ATP2C2: variants seen among roughly 807,000 people sequenced by gnomAD.
ATP2C2 encodes ATPase secretory pathway Ca2+ transporting 2.
A neutral mutation model predicts 110.8 loss-of-function variants in ATP2C2; 171 were observed. The observed-to-expected ratio is 1.54, with a 90% CI of 1.36 to 1.75. ATP2C2 has a LOEUF of 1.75. Ranked by LOEUF, ATP2C2 falls within the 40% of genes most tolerant of loss-of-function variation. The pLI is 0.00. For missense variants in ATP2C2, 1,963 were observed against 1,235.0 expected, an observed-to-expected ratio of 1.59 and a Z score of -8.84; for synonymous variants, 804 against 508.4, an observed-to-expected ratio of 1.58 and a Z score of -7.82.
chr16:84,462,432 G>A (rs555216810), intron 26 of ATP2C2: 15 of 310,394 alleles, frequency 4.8e-5, no homozygotes, highest in Admixed American at 8.4e-5. Context: ...AGGGAGGAAG[G>A]AGGGAGCAAG....
chr16:84,430,497 T>C (rs247840), intron 11 of ATP2C2, among the ~76,000 whole-genome samples: 135,271 of 151,916 alleles, frequency 0.89, 60,266 homozygotes, highest in East Asian at 0.94. Flanking sequence ...AAAAATCAGC[T>C]AGGCGTGGTG....
At chr16:84,448,922 C>A (rs1417401469) in intron 17 of ATP2C2, among the ~76,000 whole-genome samples, 2 of 152,174 alleles carry the variant, frequency 1.3e-5, no homozygotes, top group African/African-American at 2.4e-5. Flanking sequence ...GGGTACCCTC[C>A]CTTGCTGAGT....
intron 1 of ATP2C2, among the ~76,000 whole-genome samples, chr16:84,388,697 A>G (rs1409935746): frequency 6.6e-6 from 1 of 152,218 alleles, no homozygotes; most frequent in Non-Finnish European, 1.5e-5. Context: ...TGACTCTTGC[A>G]TTGATTCTCT....
intron 1 of ATP2C2, among the ~76,000 whole-genome samples, chr16:84,373,067 C>G (rs1022785792): frequency 6.7e-6 from 1 of 148,800 alleles, no homozygotes; most frequent in Non-Finnish European, 1.5e-5. Flanking sequence ...TTGCAGAGAG[C>G]TGAGATCACG....
At position 84,462,037 on chromosome 16, in the gene ATP2C2, A is replaced by G. The variant is rs1380690096; in HGVS notation, c.2630A>G (p.Tyr877Cys). The part of the protein sequence containing the change: ...IGFLRNHMFL[Y>C]SVLGSILGQL... ...TTTCTCAGGAACCACATGTTCCTCT[A>G]CTCCGTCCTGGGGTCCATCCTGGGG... Residue 877 changes from tyrosine (Y) to cysteine (C), a missense_variant, in exon 26 of 27, where the codon TAC (tyrosine) becomes TGC (cysteine). Tyr to Cys is a radical substitution (Grantham distance 194, BLOSUM62 -2). Transcript: ENST00000262429. The G allele has an allele frequency of 6.2e-7, 1 of 1,613,774 alleles. No individual in the cohort carries two copies. Among genetic ancestry groups the G allele is most frequent in the Non-Finnish European group, 8.5e-7 (1 of 1,179,908 alleles).
At chr16:84,420,778 C>T (rs1269085306) in intron 7 of ATP2C2, among the ~76,000 whole-genome samples, 1 of 151,992 alleles carries the variant, frequency 6.6e-6, no homozygotes, top group Non-Finnish European at 1.5e-5. Flanking sequence ...TCTGATGTTC[C>T]TTGTTTTTGA....
At chr16:84,407,498 G>A (rs1905879786) in intron 3 of ATP2C2, 1 of 151,920 alleles carries the variant, frequency 6.6e-6, no homozygotes, top group African/African-American at 2.4e-5. Context: ...TCTGGGATAG[G>A]GTTTCTCTGG....
chr16:84,438,780 A>G (rs1212987045), intron 11 of ATP2C2, among the ~76,000 whole-genome samples: 3 of 152,200 alleles, frequency 2.0e-5, no homozygotes, highest in Non-Finnish European at 4.4e-5. Flanking sequence ...GGACCCCTGG[A>G]ACCAAAAACT....
At chr16:84,420,084 C>G (rs778189863) in intron 7 of ATP2C2, among the ~76,000 whole-genome samples, 1 of 152,164 alleles carries the variant, frequency 6.6e-6, no homozygotes, top group African/African-American at 2.4e-5. Flanking sequence ...GCACATGTGA[C>G]TTAACCTATC....
chr16:84,390,672 C>G (rs985204856), intron 1 of ATP2C2, among the ~76,000 whole-genome samples: 1 of 152,070 alleles, frequency 6.6e-6, no homozygotes, highest in Non-Finnish European at 1.5e-5. Flanking sequence ...TTTCCTCTGG[C>G]GGGCGGTGAA....
At chr16:84,460,835 C>G (rs758271256) in intron 24 of ATP2C2, 34 bp downstream of exon 24, 3 of 1,589,746 alleles carry the variant, frequency 1.9e-6, no homozygotes, top group Non-Finnish European at 2.6e-6. Context: ...GTTCTCCAAG[C>G]CCTGGTGCGG....
At chr16:84,410,526 C>G (rs542823795) in intron 4 of ATP2C2, 42 bp from the exon 5 acceptor site, 2 of 1,607,490 alleles carry the variant, frequency 1.2e-6, no homozygotes, top group African/African-American at 1.3e-5. Context: ...CCCCCTCCCA[C>G]TGAGCCTCTG....
intron 7 of ATP2C2, among the ~76,000 whole-genome samples, chr16:84,421,345 G>A (rs904796358): frequency 1.3e-5 from 2 of 152,244 alleles, no homozygotes; most frequent in African/African-American, 4.8e-5. Context: ...GTGACAGGCG[G>A]CCACTGTCGT....
intron 1 of ATP2C2, among the ~76,000 whole-genome samples, chr16:84,395,616 C>G (rs1213271751): frequency 3.3e-5 from 5 of 151,224 alleles, no homozygotes; most frequent in African/African-American, 1.2e-4. Context: ...TCAAGCAATT[C>G]TCCCTGACTC....
chr16:84,398,638 A>C lies in ATP2C2; in HGVS notation c.210+29A>C, dbSNP rs756569672. 1.2e-5 allele frequency: 19 copies of C among 1,545,766 alleles called. No homozygotes were observed. The African/African-American group carries it at 2.2e-4, about 18-fold the overall frequency. On this transcript the variant is annotated intron_variant, in intron 2 of 26. Coordinates refer to ENST00000262429, the MANE Select transcript of ATP2C2 (RefSeq NM_014861.4). Reference sequence around the variant, plus strand: ...AGAATTGAATTTGCATCTGGAGCTAATTGTGATAAGGTTTTATGTTTAAAA... The same window carrying C: ...AGAATTGAATTTGCATCTGGAGCTACTTGTGATAAGGTTTTATGTTTAAAA...
intron 7 of ATP2C2, among the ~76,000 whole-genome samples, chr16:84,421,295 G>A (rs1184910796): frequency 1.3e-5 from 2 of 152,252 alleles, no homozygotes; most frequent in Non-Finnish European, 2.9e-5. Flanking sequence ...GACGCTGTGG[G>A]GTCCACTGGG....
At chr16:84,450,093 A>G (rs1429014970) in intron 17 of ATP2C2, among the ~76,000 whole-genome samples, 1 of 152,212 alleles carries the variant, frequency 6.6e-6, no homozygotes, top group Non-Finnish European at 1.5e-5. Flanking sequence ...CTTGCGGGAG[A>G]GCGTAATGAG....
At chr16:84,447,949 C>T (rs916955018) in intron 16 of ATP2C2, among the ~76,000 whole-genome samples, 6 of 151,704 alleles carry the variant, frequency 4.0e-5, no homozygotes, top group Non-Finnish European at 7.4e-5. Context: ...TGTGCACCCA[C>T]GTGAGCCAGG....
intron 16 of ATP2C2, 146 bp downstream of exon 16, chr16:84,446,576 T>G: frequency 1.9e-6 from 1 of 523,602 alleles, no homozygotes; most frequent in Non-Finnish European, 3.3e-6. Flanking sequence ...TTAATCACCA[T>G]CATACCTTTG....
Sources: allele counts gnomAD v4.1 joint callset (sites outside exome capture counted in the v4.1 genomes callset), GRCh38; gene constraint gnomAD v4.1.1; transcripts MANE v1.5; gene names NCBI Gene and HGNC (gene_info 2026-07-23, HGNC 2026-07-21).